TEKT5: variants seen among roughly 807,000 people sequenced by gnomAD.
The protein encoded by TEKT5 is tektin 5, also known as tektin-5.
In TEKT5, 52 loss-of-function variants were observed where a neutral mutation model predicts 48.7. That is an observed-to-expected ratio of 1.07 (90% CI 0.86 to 1.35). The LOEUF (loss-of-function observed/expected upper bound fraction) is 1.35. TEKT5 is among the 40% of genes most tolerant of loss of function. TEKT5 has a pLI of 0.00. For missense variants in TEKT5, 831 were observed against 641.6 expected (o/e 1.30, Z -3.19); for synonymous variants, 318 against 267.6 (o/e 1.19, Z -1.84).
intron 5 of TEKT5, among the ~76,000 whole-genome samples, chr16:10,654,031 C>T (rs1202062443): frequency 2.1e-5 from 3 of 146,220 alleles, no homozygotes; most frequent in South Asian, 2.1e-4. Flanking sequence ...TGTGTGTGTG[C>T]ACATGTGTGT....
At chr16:10,691,731 G>A (rs531553153) in intron 1 of TEKT5, among the ~76,000 whole-genome samples, 9 of 152,176 alleles carry the variant, frequency 5.9e-5, no homozygotes, top group Non-Finnish European at 1.3e-4. Context: ...GGCGGATCAC[G>A]AGGTCAAGAG....
rs553785174 is a variant in TEKT5, at chr16:10,679,318, G to A, written c.863+2675C>T. On this transcript the variant is annotated intron_variant, in intron 4 of 6. Coordinates refer to ENST00000283025, the MANE Select transcript of TEKT5 (RefSeq NM_144674.2). Reference sequence around the variant, plus strand: ...CTAAAAATACAAAAATTAGCTAGGCGTGGTGGCATGTGCCTGCAGTCCCAG... The same window carrying A: ...CTAAAAATACAAAAATTAGCTAGGCATGGTGGCATGTGCCTGCAGTCCCAG... 6.6e-5 allele frequency among the ~76,000 whole-genome samples: 10 copies of A among 152,156 alleles called. No homozygotes were observed. The South Asian group carries it at 1.7e-3, about 25-fold the overall frequency.
intron 4 of TEKT5, among the ~76,000 whole-genome samples, chr16:10,679,740 C>T (rs1180973817): frequency 6.6e-6 from 1 of 151,686 alleles, no homozygotes; most frequent in Non-Finnish European, 1.5e-5. Context: ...ATTAAAAATA[C>T]AAAAAATTTA....
In TEKT5 at chr16:10,685,654, A is replaced by G. The variant is rs530398571; in HGVS notation, c.720-3518T>C. ...CTTCTCTTTGCCTTTCTCTGTCTCT[A>G]TCTCATCTCTTGCCAGATACTTCTG... On this transcript the variant is annotated intron_variant, in intron 3 of 6. Transcript: ENST00000283025. 4.6e-5 allele frequency among the ~76,000 whole-genome samples: 7 copies of G among 151,880 alleles called. No individual in the cohort carries two copies. The South Asian group carries it at 1.5e-3, about 32-fold the overall frequency.
intron 5 of TEKT5, among the ~76,000 whole-genome samples, chr16:10,644,002 A>T (rs1898033331): frequency 6.6e-6 from 1 of 152,226 alleles, no homozygotes; most frequent in Non-Finnish European, 1.5e-5. Context: ...AGGTCGCACC[A>T]TCGCACTCCA....
chr16:10,641,283 T>C (rs1897991682), intron 5 of TEKT5, among the ~76,000 whole-genome samples: 2 of 152,136 alleles, frequency 1.3e-5, no homozygotes, highest in African/African-American at 4.8e-5. Context: ...ACAGGCAGGT[T>C]GTGGTGGGGC....
intron 2 of TEKT5, 31 bp from the exon 3 acceptor site, chr16:10,689,354 C>T (rs371117453): frequency 1.9e-6 from 3 of 1,559,470 alleles, no homozygotes; most frequent in East Asian, 4.5e-5. Flanking sequence ...AAGAGCAGTG[C>T]CTCTTAGAAC....
intron 1 of TEKT5, among the ~76,000 whole-genome samples, chr16:10,692,218 T>C (rs530449131): frequency 3.9e-5 from 6 of 151,944 alleles, no homozygotes; most frequent in Non-Finnish European, 7.4e-5. Flanking sequence ...GAGAAGAGAA[T>C]GGGAGGGAGA....
At chr16:10,650,245 T>C (rs965917745) in intron 5 of TEKT5, among the ~76,000 whole-genome samples, 2 of 151,526 alleles carry the variant, frequency 1.3e-5, no homozygotes, top group Non-Finnish European at 2.9e-5. Context: ...GGATTACAGG[T>C]GTGTGCGACA....
At chr16:10,671,998 A>T (rs1898556229) in intron 5 of TEKT5, among the ~76,000 whole-genome samples, 1 of 152,092 alleles carries the variant, frequency 6.6e-6, no homozygotes, top group Non-Finnish European at 1.5e-5. Context: ...ATTACCATGG[A>T]TATGGGGGGA....
chr16:10,666,839 G>T (rs1898467220), intron 5 of TEKT5, among the ~76,000 whole-genome samples: 1 of 152,210 alleles, frequency 6.6e-6, no homozygotes, highest in African/African-American at 2.4e-5. Flanking sequence ...TGATGCGGGT[G>T]TGTTTTCCTA....
At chr16:10,652,133 G>C (rs537102266) in intron 5 of TEKT5, among the ~76,000 whole-genome samples, 2 of 152,164 alleles carry the variant, frequency 1.3e-5, no homozygotes, top group African/African-American at 4.8e-5. Context: ...GAGGTTTAGT[G>C]AGACAATCCA....
chr16:10,640,791 G>A (rs1261966693), intron 5 of TEKT5, among the ~76,000 whole-genome samples: 2 of 152,146 alleles, frequency 1.3e-5, no homozygotes, highest in Non-Finnish European at 2.9e-5. Context: ...AATTATTCAT[G>A]TTGTTGTGTG....
chr16:10,664,313 C>T (rs1316123025), intron 5 of TEKT5, among the ~76,000 whole-genome samples: 1 of 152,122 alleles, frequency 6.6e-6, no homozygotes, highest in African/African-American at 2.4e-5. Context: ...ATAATTGTTG[C>T]ATGTCTACAC....
At chr16:10,656,617 A>G (rs553548068) in intron 5 of TEKT5, among the ~76,000 whole-genome samples, 1 of 152,372 alleles carries the variant, frequency 6.6e-6, no homozygotes, top group South Asian at 2.1e-4. Context: ...GTGAACCCCT[A>G]GAAATGAATA....
intron 3 of TEKT5, among the ~76,000 whole-genome samples, 154 bp downstream of exon 3, chr16:10,689,099 T>G (rs1472683288): frequency 6.6e-6 from 1 of 151,862 alleles, no homozygotes; most frequent in Non-Finnish European, 1.5e-5. Flanking sequence ...TTTTTTTTTT[T>G]CCTAGAAGGC....
chr16:10,677,949 A>G (rs939637309), intron 4 of TEKT5, among the ~76,000 whole-genome samples: 2 of 152,190 alleles, frequency 1.3e-5, no homozygotes, highest in Non-Finnish European at 2.9e-5. Flanking sequence ...CACAGGCTAC[A>G]TTAGCAAAGG....
intron 5 of TEKT5, among the ~76,000 whole-genome samples, chr16:10,649,625 T>A (rs1035276816): frequency 3.3e-5 from 5 of 150,174 alleles, no homozygotes; most frequent in Non-Finnish European, 7.4e-5. Flanking sequence ...TTGTAGAGAC[T>A]GGGTCTCCCC....
chr16:10,675,348 G>A (rs1020613446), intron 5 of TEKT5, among the ~76,000 whole-genome samples: 3 of 152,156 alleles, frequency 2.0e-5, no homozygotes, highest in Non-Finnish European at 4.4e-5. Context: ...TTTGCATTGA[G>A]CAGGGACTAT....
Sources: gnomAD v4.1 joint callset for allele counts (sites outside exome capture counted in the v4.1 genomes callset) on GRCh38, gnomAD v4.1.1 for gene constraint, MANE v1.5 for transcripts, NCBI Gene and HGNC (gene_info 2026-07-23, HGNC 2026-07-21) for gene names.